KLF12: variants seen among roughly 807,000 people sequenced by gnomAD.
The protein encoded by KLF12 is Krueppel-like factor 12.
In KLF12, 9 loss-of-function variants were observed where a neutral mutation model predicts 37.8. That is an observed-to-expected ratio of 0.24 (90% CI 0.14 to 0.42). The LOEUF is 0.42. Among genes scored for constraint, KLF12 ranks in the 10% least tolerant of loss-of-function variants. The pLI, the probability that KLF12 is intolerant of heterozygous loss-of-function variation, is 1.00. For synonymous variants in KLF12, 208 were observed against 202.1 expected (o/e 1.03, Z -0.25); for missense variants, 411 against 516.0 (o/e 0.80, Z 1.97).
chr13:74,027,430 G>A (rs1327918015), intron 1 of KLF12, among the ~76,000 whole-genome samples: 1 of 152,122 alleles, frequency 6.6e-6, no homozygotes, highest in East Asian at 1.9e-4. Context: ...GGGGAGAGGG[G>A]TAGGTATGAG....
intron 1 of KLF12, among the ~76,000 whole-genome samples, chr13:74,023,515 A>C (rs2138437754): frequency 6.6e-6 from 1 of 152,282 alleles, no homozygotes; most frequent in Non-Finnish European, 1.5e-5. Flanking sequence ...GTAGAGCAGA[A>C]TCTGTTCCAT....
At chr13:74,289,105 A>G in the KLF12 span, 2 of 152,150 alleles carry the variant, frequency 1.3e-5, no homozygotes, top group Non-Finnish European at 2.9e-5. Flanking sequence ...TTTTTTTAAG[A>G]CTAGTCAAGT....
chr13:73,695,722 C>T (rs1301388239), intron 7 of KLF12, 51 bp from the exon 8 acceptor site: 1 of 1,548,882 alleles, frequency 6.5e-7, no homozygotes, highest in Admixed American at 1.7e-5. Context: ...ATCACTTTGC[C>T]ATAACCAGGC....
chr13:74,042,351 G>T (rs1167762283), intron 1 of KLF12, among the ~76,000 whole-genome samples: 1 of 151,326 alleles, frequency 6.6e-6, no homozygotes, highest in African/African-American at 2.4e-5. Flanking sequence ...ACTGGCTACT[G>T]GCCAATTCTG....
intron 2 of KLF12, among the ~76,000 whole-genome samples, chr13:73,947,736 C>T (rs559916489): frequency 6.6e-6 from 1 of 151,144 alleles, no homozygotes; most frequent in Non-Finnish European, 1.5e-5. Context: ...TCACAACAGT[C>T]GTTGATCCCA....
the KLF12 span, among the ~76,000 whole-genome samples, chr13:74,304,883 A>T: frequency 6.5e-3 from 996 of 152,232 alleles, 7 homozygotes; most frequent in Middle Eastern, 0.034. Context: ...TATTTTTCTT[A>T]TTAGAAACTC....
chr13:73,866,666 T>C (rs1453979019), intron 3 of KLF12, among the ~76,000 whole-genome samples: 2 of 152,094 alleles, frequency 1.3e-5, no homozygotes, highest in African/African-American at 2.4e-5. Flanking sequence ...AGAGCATTCA[T>C]GGCTAACAGA....
rs1277281739 is a variant in KLF12, at chr13:73,687,129, T to C, written c.*8361A>G. ...ACAAAGTTCTGAGTACATTCTTCTATGGACAAACATGAATTTGCTGGTTTC... is the reference window on the plus strand; with the variant it reads ...ACAAAGTTCTGAGTACATTCTTCTACGGACAAACATGAATTTGCTGGTTTC... On this transcript the variant is annotated 3_prime_UTR_variant, in exon 8 of 8. Transcript: ENST00000377669. 6.5e-6 allele frequency: 1 copy of C among 152,676 alleles called. No homozygotes were observed. Among genetic ancestry groups the C allele is most frequent in the Non-Finnish European group, 1.5e-5 (1 of 68,052 alleles). 9.5% of individuals were successfully genotyped at this position (152,676 alleles called of 1,614,324 possible). A position where few individuals can be genotyped will look rare whatever the true frequency, so the allele number is the denominator to read the frequency against.
At chr13:73,788,293 C>T (rs1037881060) in intron 5 of KLF12, among the ~76,000 whole-genome samples, 15 of 152,184 alleles carry the variant, frequency 9.9e-5, no homozygotes, top group African/African-American at 2.7e-4. Context: ...AGCAACTGAT[C>T]TGGAAGTTAC....
intron 6 of KLF12, among the ~76,000 whole-genome samples, chr13:73,716,535 A>G (rs1875820130): frequency 6.6e-6 from 1 of 152,160 alleles, no homozygotes; most frequent in Non-Finnish European, 1.5e-5. Flanking sequence ...ATAAAGATCA[A>G]TTCCCCCCTT....
intron 4 of KLF12, among the ~76,000 whole-genome samples, chr13:73,836,319 C>A (rs953103754): frequency 6.6e-6 from 1 of 151,994 alleles, no homozygotes; most frequent in Non-Finnish European, 1.5e-5. Flanking sequence ...GTAACATAGT[C>A]TGGAACAGAA....
At chr13:73,891,645 C>G (rs1055900317) in intron 3 of KLF12, among the ~76,000 whole-genome samples, 1 of 152,050 alleles carries the variant, frequency 6.6e-6, no homozygotes, top group Admixed American at 6.5e-5. Context: ...TTCTTGCCTT[C>G]TTAACAAAAA....
chr13:74,298,800 A>C, the KLF12 span, among the ~76,000 whole-genome samples: 1 of 152,160 alleles, frequency 6.6e-6, no homozygotes. Flanking sequence ...CCTGCTTCTT[A>C]ATATATTACT....
chr13:74,037,655 T>G (rs905350609), intron 1 of KLF12, among the ~76,000 whole-genome samples: 1 of 152,192 alleles, frequency 6.6e-6, no homozygotes, highest in South Asian at 2.1e-4. Context: ...GAACACAACA[T>G]GTGGTCTCTA....
At chr13:73,883,573 C>T (rs535539847) in intron 3 of KLF12, among the ~76,000 whole-genome samples, 2 of 152,246 alleles carry the variant, frequency 1.3e-5, no homozygotes, top group East Asian at 1.9e-4. Context: ...CAGCAGTTAA[C>T]ATGGTAGTTA....
chr13:74,172,141 C>T, the KLF12 span, among the ~76,000 whole-genome samples: 28 of 12,336 alleles, frequency 2.3e-3, 1 homozygote, highest in Admixed American at 4.9e-3. Flanking sequence ...ATTTTCCTCA[C>T]GACACACACA....
intron 6 of KLF12, among the ~76,000 whole-genome samples, chr13:73,723,190 G>C (rs73527456): frequency 0.014 from 2,193 of 152,282 alleles, 57 homozygotes; most frequent in African/African-American, 0.05. Context: ...CAAGTTGAAA[G>C]AGGATTGTTG....
At chr13:74,212,222 T>G in the KLF12 span, among the ~76,000 whole-genome samples, 1 of 152,202 alleles carries the variant, frequency 6.6e-6, no homozygotes, top group Non-Finnish European at 1.5e-5. Context: ...AAACAACCCT[T>G]GTCACACTTT....
the KLF12 span, among the ~76,000 whole-genome samples, chr13:74,239,297 T>C: frequency 6.6e-6 from 1 of 151,748 alleles, no homozygotes; most frequent in Non-Finnish European, 1.5e-5. Flanking sequence ...TGCACTGTGG[T>C]CTGAGAGATA....
Sources: allele counts gnomAD v4.1 joint callset (sites outside exome capture counted in the v4.1 genomes callset), GRCh38; gene constraint gnomAD v4.1.1; transcripts MANE v1.5; gene names NCBI Gene and HGNC (gene_info 2026-07-23, HGNC 2026-07-21).